LPP: variants seen among roughly 807,000 people sequenced by gnomAD.
The protein encoded by LPP is LIM domain containing preferred translocation partner in lipoma, also known as lipoma-preferred partner.
LPP carries 38 observed loss-of-function variants against 60.4 expected under a neutral mutation model. That is an observed-to-expected ratio of 0.63 (90% CI 0.49 to 0.83). LPP has a LOEUF of 0.83. Among genes scored for constraint, LPP ranks in the 40% least tolerant of loss-of-function variants. LPP has a pLI of 0.00. For missense variants in LPP, 902 were observed against 783.6 expected (o/e 1.15, Z -1.80); for synonymous variants, 328 against 290.8 (o/e 1.13, Z -1.30).
intron 9 of LPP, among the ~76,000 whole-genome samples, chr3:188,783,869 C>CTCAGTAAAGGGTGTTCAT (rs56671912): frequency 6.6e-6 from 1 of 151,716 alleles, no homozygotes; most frequent in African/African-American, 2.4e-5. Context: ...AACTTGATAT[C>CTCAGTAAAGGGTGTTCAT]TCATTCTTAC....
intron 9 of LPP, among the ~76,000 whole-genome samples, chr3:188,819,027 C>T (rs962861763): frequency 1.6e-4 from 23 of 142,198 alleles, no homozygotes; most frequent in African/African-American, 5.9e-4. Flanking sequence ...TCATGGGGGT[C>T]GTGTGTGTGT....
At chr3:188,766,743 T>C (rs564957244) in intron 9 of LPP, among the ~76,000 whole-genome samples, 1 of 152,334 alleles carries the variant, frequency 6.6e-6, no homozygotes, top group East Asian at 1.9e-4. Flanking sequence ...TTCATTAATG[T>C]ACGCCCATTA....
chr3:188,590,385 C>T (rs1292350110), intron 6 of LPP, among the ~76,000 whole-genome samples: 4 of 152,000 alleles, frequency 2.6e-5, no homozygotes, highest in Non-Finnish European at 5.9e-5. Flanking sequence ...CCAGCCTGGC[C>T]AACATGGTGA....
chr3:188,448,406 A>ATCT (rs1491059939), intron 4 of LPP, among the ~76,000 whole-genome samples: 141 of 4,020 alleles, frequency 0.035, no homozygotes, highest in Middle Eastern at 0.25. Context: ...ATATTTAGAT[A>ATCT]AAGATATCTA....
chr3:188,811,057 A>C (rs1415676412), intron 9 of LPP, among the ~76,000 whole-genome samples: 1 of 152,102 alleles, frequency 6.6e-6, no homozygotes, highest in African/African-American at 2.4e-5. Flanking sequence ...GTAGGAGAAT[A>C]CATACGACAC....
chr3:188,835,547 A>G (rs571397104), intron 9 of LPP, among the ~76,000 whole-genome samples: 1 of 152,078 alleles, frequency 6.6e-6, no homozygotes, highest in South Asian at 2.1e-4. Context: ...CGAACCCGGG[A>G]GGTGGAGGTT....
intron 9 of LPP, among the ~76,000 whole-genome samples, chr3:188,764,129 TA>T (rs1399742908): frequency 1.1e-4 from 17 of 152,190 alleles, no homozygotes; most frequent in Non-Finnish European, 1.5e-5. Context: ...TAGTTTTGGT[TA>T]TTCTTATAGA....
At chr3:188,528,264 T>C (rs11920220) in intron 6 of LPP, among the ~76,000 whole-genome samples, 68,149 of 151,814 alleles carry the variant, frequency 0.45, 16,386 homozygotes, top group East Asian at 0.92. Context: ...CCTGACCTCG[T>C]GACTGACCCA....
chr3:188,700,033 T>C (rs1864068048), intron 7 of LPP, among the ~76,000 whole-genome samples: 1 of 152,216 alleles, frequency 6.6e-6, no homozygotes, highest in African/African-American at 2.4e-5. Context: ...GAAAAGAAGA[T>C]AATTTCAATG....
intron 5 of LPP, among the ~76,000 whole-genome samples, chr3:188,513,777 G>A (rs1183381918): frequency 6.6e-6 from 1 of 152,148 alleles, no homozygotes; most frequent in African/African-American, 2.4e-5. Context: ...GGCTACTTGT[G>A]TATACCCAAG....
intron 2 of LPP, among the ~76,000 whole-genome samples, chr3:188,265,928 C>T (rs554979701): frequency 6.9e-6 from 1 of 145,074 alleles, no homozygotes; most frequent in East Asian, 2.0e-4. Context: ...TTACTTTATA[C>T]ATTTCAGAGT....
At chr3:188,508,434 C>A (rs891488083) in intron 5 of LPP, among the ~76,000 whole-genome samples, 16 of 152,294 alleles carry the variant, frequency 1.1e-4, no homozygotes, top group African/African-American at 3.6e-4. Context: ...TCTGCCTAGA[C>A]AAAATTGTAG....
intron 8 of LPP, chr3:188,709,342 T>C (rs1308022946): frequency 6.6e-6 from 1 of 152,034 alleles, no homozygotes; most frequent in African/African-American, 2.4e-5. Flanking sequence ...GTTGCAAATT[T>C]TATTTTTATT....
rs546076112 is a variant in LPP at position 188,174,460 on chromosome 3, G to A, written c.-190+20208G>A. On this transcript the variant is annotated intron_variant, in intron 1 of 11. Coordinates refer to ENST00000617246, the MANE Select transcript of LPP (RefSeq NM_001375462.1). ...GCGCAGGCATTGATACCCGAGGAACGCACGCATGAGGCAGCAGGGAAGGCA... is the reference window on the plus strand; with the variant it reads ...GCGCAGGCATTGATACCCGAGGAACACACGCATGAGGCAGCAGGGAAGGCA... 1.2e-4 allele frequency among the ~76,000 whole-genome samples: 18 copies of A among 152,344 alleles called. No individual in the cohort carries two copies. In the South Asian group the frequency reaches 2.1e-3, roughly 18 times the overall value.
chr3:188,420,502 G>A lies in LPP; in HGVS notation c.193+14189G>A, dbSNP rs1006227865. Among the ~76,000 whole-genome samples the A allele has an allele frequency of 3.9e-5, 6 of 152,268 alleles. No individual in the cohort carries two copies. The South Asian group carries it at 1.2e-3, about 32-fold the overall frequency. On this transcript the variant is annotated intron_variant, in intron 4 of 11. Coordinates refer to ENST00000617246, the MANE Select transcript of LPP (RefSeq NM_001375462.1). ...AGGGATTATTAACTACACAATCTCA[G>A]AAAAATTAATTTAATTAGGGATTTT...
chr3:188,233,805 C>T (rs1720938273), intron 2 of LPP, among the ~76,000 whole-genome samples: 1 of 152,100 alleles, frequency 6.6e-6, no homozygotes, highest in Non-Finnish European at 1.5e-5. Context: ...GCATTTACAA[C>T]TCCACAAAGT....
At chr3:188,438,668 G>A (rs1361031741) in intron 4 of LPP, among the ~76,000 whole-genome samples, 1 of 152,062 alleles carries the variant, frequency 6.6e-6, no homozygotes, top group Non-Finnish European at 1.5e-5. Context: ...AACTTATTAG[G>A]CAGACCTAAG....
chr3:188,228,056 C>T (rs941796098), intron 2 of LPP, among the ~76,000 whole-genome samples: 1 of 152,232 alleles, frequency 6.6e-6, no homozygotes, highest in African/African-American at 2.4e-5. Flanking sequence ...CTTTAGCCCC[C>T]CTGTCAGAGA....
intron 7 of LPP, among the ~76,000 whole-genome samples, chr3:188,626,130 C>T (rs552793611): frequency 1.4e-4 from 21 of 152,144 alleles, no homozygotes; most frequent in Admixed American, 4.6e-4. Flanking sequence ...TATATTATTT[C>T]GGTAGGACTG....
Sources: allele counts gnomAD v4.1 joint callset (sites outside exome capture counted in the v4.1 genomes callset), GRCh38; gene constraint gnomAD v4.1.1; transcripts MANE v1.5; gene names NCBI Gene and HGNC (gene_info 2026-07-23, HGNC 2026-07-21).